The following ACE variants were observed in gnomAD, a reference collection of about 807,000 sequenced individuals.
The protein encoded by ACE is angiotensin-converting enzyme.
A neutral mutation model predicts 162.3 loss-of-function variants in ACE; 122 were observed. The observed-to-expected ratio is 0.75, with a 90% CI of 0.65 to 0.87. ACE has a LOEUF of 0.87. Ranked by LOEUF, ACE falls within the 40% of genes least tolerant of loss-of-function variation. ACE has a pLI of 0.00. For missense variants in ACE, 1,799 were observed against 1,735.1 expected (o/e 1.04, Z -0.65); for synonymous variants, 796 against 720.6 (o/e 1.10, Z -1.68).
In ACE at chr17:63,484,426, C is replaced by T. The variant is rs1408772607; in HGVS notation, c.1806C>T (p.Tyr602=). 1.2e-6 allele frequency: 2 copies of T among 1,612,408 alleles called. No homozygotes were observed. Among genetic ancestry groups the T allele is most frequent in the Non-Finnish European group, 1.7e-6 (2 of 1,179,940 alleles). Residue 602 remains tyrosine (Y), a synonymous_variant, in exon 12 of 25, where the codon TAC becomes TAT. Coordinates refer to ENST00000290866, the MANE Select transcript of ACE (RefSeq NM_000789.4). The surrounding 1 kb of genome is among the most constrained non-coding windows in gnomAD (Gnocchi z 4.0). ...TGGATGCCCAGCCGCTGCTCAAGTA[C>T]TTCCAGCCAGTCACCCAGTGGCTGC... ...DALDAQPLLK[Y]FQPVTQWLQE...
rs200503880 is a variant in ACE at position 63,487,032 on chromosome 17, C to G, written c.2264C>G (p.Thr755Ser). Reference protein sequence around the residue: ...LDMETTYSVATVCHPNGSCLQ... With the variant: ...LDMETTYSVASVCHPNGSCLQ... ...ATGGAAACCACCTACAGCGTGGCCA[C>G]TGTGTGCCACCCGAATGGCAGCTGC... The change falls in exon 15 of 25, where the codon ACT becomes AGT. Residue 755 changes from threonine (T) to serine (S), a missense_variant. By Grantham distance (58) the Thr-to-Ser change is moderately conservative (BLOSUM62 1). Coordinates refer to ENST00000290866, the MANE Select transcript of ACE (RefSeq NM_000789.4). The G allele has an allele frequency of 1.2e-6, 2 of 1,613,790 alleles. No homozygotes were observed. The highest frequency in any genetic ancestry group is 2.7e-5 in the African/African-American group (2 of 74,928).
In ACE at chr17:63,479,930, T is replaced by C. The variant is rs1411669184; in HGVS notation, c.655+18T>C. ...GCAGGACGGTGAGCAGGCCTCTCCCTGTCCAGGAACCACGCCAGGTGTCCT... is the reference window on the plus strand; with the variant it reads ...GCAGGACGGTGAGCAGGCCTCTCCCCGTCCAGGAACCACGCCAGGTGTCCT... On this transcript the variant is annotated intron_variant, in intron 4 of 24. Transcript: ENST00000290866. The C allele has an allele frequency of 3.1e-6, 5 of 1,601,694 alleles. No homozygotes were observed. The African/African-American group carries it at 5.4e-5, about 17-fold the overall frequency.
In ACE at chr17:63,497,172, G is replaced by A. The variant is rs372416620; in HGVS notation, c.3727G>A (p.Val1243Ile). The change falls in exon 25 of 25, where the codon GTC (valine) becomes ATC (isoleucine). Residue 1243 changes from valine (V) to isoleucine (I), a missense_variant. Coordinates refer to ENST00000290866, the MANE Select transcript of ACE (RefSeq NM_000789.4). Reference protein sequence around the residue: ...SEGPLPDSGRVSFLGLDLDAQ... With the variant: ...SEGPLPDSGRISFLGLDLDAQ... Reference sequence around the variant, plus strand: ...AGGGCCCCTCCCAGACAGCGGCCGCGTCAGCTTCCTGGGCCTGGACCTGGA... The same window carrying A: ...AGGGCCCCTCCCAGACAGCGGCCGCATCAGCTTCCTGGGCCTGGACCTGGA... 53 of 1,604,088 alleles carry A rather than the reference G, an allele frequency of 3.3e-5. No homozygotes were observed. The Middle Eastern group carries it at 5.4e-4, about 16-fold the overall frequency.
Position 63,489,036 on chromosome 17 carries a change from T to C in ACE, c.2545T>C (p.Tyr849His). ...GCTCTTCCAGGAGCTGCAGCCACTC[T>C]ACCTCAACCTGCATGCCTACGTGCG... ...ERLFQELQPLYLNLHAYVRRA... is the reference protein window; with the variant it reads ...ERLFQELQPLHLNLHAYVRRA... The change falls in exon 17 of 25, where the codon TAC becomes CAC. Residue 849 changes from tyrosine to histidine, a missense_variant. Coordinates refer to ENST00000290866, the MANE Select transcript of ACE (RefSeq NM_000789.4). 1 of 1,614,186 alleles carries C rather than the reference T, an allele frequency of 6.2e-7. No homozygotes were observed. Among genetic ancestry groups the C allele is most frequent in the Non-Finnish European group, 8.5e-7 (1 of 1,180,040 alleles).
intron 14 of ACE, 62 bp from the exon 15 acceptor site, chr17:63,486,924 G>A: frequency 6.6e-7 from 1 of 1,509,978 alleles, no homozygotes; most frequent in Non-Finnish European, 9.2e-7. Context: ...TGGGGGTAGT[G>A]CAGGCCCCAG....
In ACE at chr17:63,491,086, G is replaced by A. The variant is rs368900581; in HGVS notation, c.2739+35G>A. Reference sequence around the variant, plus strand: ...AGCCCAGGGGCAGGGAGGCCCCGCCGGGATGGGAGGGACCCTCTGATTCAG... The same window carrying A: ...AGCCCAGGGGCAGGGAGGCCCCGCCAGGATGGGAGGGACCCTCTGATTCAG... On this transcript the variant is annotated intron_variant, in intron 18 of 24. Coordinates refer to ENST00000290866, the MANE Select transcript of ACE (RefSeq NM_000789.4). This position sits in a 1 kb window ranked among gnomAD's most constrained non-coding sequence, Gnocchi z 4.4. 3.5e-5 allele frequency: 56 copies of A among 1,612,312 alleles called. No homozygotes were observed. The highest frequency in any genetic ancestry group is 3.3e-4 in the Middle Eastern group (2 of 6,060).
chr17:63,497,291 C>T lies in ACE; in HGVS notation c.3846C>T (p.Ser1282=). ...ATLGLSQRLF[S]IRHRSLHRHS... ...TGGGCCTCAGCCAGCGGCTCTTCAGCATCCGCCACCGCAGCCTCCACCGGC... is the reference window on the plus strand; with the variant it reads ...TGGGCCTCAGCCAGCGGCTCTTCAGTATCCGCCACCGCAGCCTCCACCGGC... The change falls in exon 25 of 25, where the codon AGC becomes AGT. Residue 1282 remains serine (S), a synonymous_variant. Transcript: ENST00000290866. 1 of 1,552,688 alleles carries T rather than the reference C, an allele frequency of 6.4e-7. No individual in the cohort carries two copies. Among genetic ancestry groups the T allele is most frequent in the Non-Finnish European group, 8.7e-7 (1 of 1,149,902 alleles).
At position 63,483,552 on chromosome 17, in the gene ACE, A is replaced by G. The variant is rs376323371; in HGVS notation, c.1580A>G (p.Tyr527Cys). ...AKFHVPNVTP[Y>C]IRYFVSFVLQ... ...TTTCATGTTCCAAATGTGACACCATACATCAGGTATTAGCGCCCCCACCCC... is the reference window on the plus strand; with the variant it reads ...TTTCATGTTCCAAATGTGACACCATGCATCAGGTATTAGCGCCCCCACCCC... The change falls in exon 10 of 25, where the codon TAC becomes TGC. Residue 527 changes from tyrosine (Y) to cysteine (C), a missense_variant. By Grantham distance (194) the Tyr-to-Cys change is radical. Coordinates refer to ENST00000290866, the MANE Select transcript of ACE (RefSeq NM_000789.4). The G allele has an allele frequency of 1.7e-5, 28 of 1,613,680 alleles. No homozygotes were observed. The African/African-American group carries it at 3.2e-4, about 18-fold the overall frequency.
chr17:63,496,431 G>A lies in ACE; in HGVS notation c.3418G>A (p.Glu1140Lys), dbSNP rs1228691156. The part of the protein sequence containing the change: ...VSFIIQFQFH[E>K]ALCQAAGHTG... ...CTTCATCATCCAGTTCCAGTTCCAC[G>A]AGGCACTGTGCCAGGCAGCTGGCCA... Residue 1140 changes from glutamate to lysine, a missense_variant, in exon 23 of 25, where the codon GAG becomes AAG. Glu to Lys is a moderately conservative substitution (Grantham distance 56). Transcript: ENST00000290866. The A allele has an allele frequency of 3.7e-6, 6 of 1,614,200 alleles. No homozygotes were observed. The highest frequency in any genetic ancestry group is 5.1e-6 in the Non-Finnish European group (6 of 1,180,032).
rs769397961 is a variant in ACE, at chr17:63,488,758, G to A, written c.2416G>A (p.Val806Met). The change falls in exon 16 of 25, where the codon GTG becomes ATG. Residue 806 changes from valine to methionine, a missense_variant. Transcript: ENST00000290866. ...CATCCTCCAGTTTTACCCGAAATACGTGGAACTCATCAACCAGGCTGCCCG... is the reference window on the plus strand; with the variant it reads ...CATCCTCCAGTTTTACCCGAAATACATGGAACTCATCAACCAGGCTGCCCG... ...RAILQFYPKY[V>M]ELINQAARLN... The A allele has an allele frequency of 1.4e-5, 22 of 1,613,782 alleles. No individual in the cohort carries two copies. The highest frequency in any genetic ancestry group is 6.7e-5 in the East Asian group (3 of 44,804).
intron 15 of ACE, among the ~76,000 whole-genome samples, chr17:63,488,358 C>CAG (rs1491344512): frequency 1.5e-5 from 1 of 66,888 alleles, no homozygotes; most frequent in Non-Finnish European, 2.6e-5. Context: ...GACCCTGTCT[C>CAG]AGAAAAAAAA....
In ACE at chr17:63,483,134, C is replaced by A; in HGVS notation, c.1448C>A (p.Thr483Asn). The change falls in exon 9 of 25, where the codon ACC becomes AAC. Residue 483 changes from threonine (T) to asparagine (N), a missense_variant. By Grantham distance (65) the Thr-to-Asn change is moderately conservative. Transcript: ENST00000290866. ...QWRWGVFSGR[T>N]PPSRYNFDWW... Reference sequence around the variant, plus strand: ...CGCTGGGGGGTCTTTAGTGGGCGTACCCCCCCTTCCCGCTACAACTTCGAC... The same window carrying A: ...CGCTGGGGGGTCTTTAGTGGGCGTAACCCCCCTTCCCGCTACAACTTCGAC... 6.2e-7 allele frequency: 1 copy of A among 1,613,948 alleles called. No homozygotes were observed. The highest frequency in any genetic ancestry group is 8.5e-7 in the Non-Finnish European group (1 of 1,179,942).
chr17:63,496,516 C>T lies in ACE; in HGVS notation c.3503C>T (p.Ala1168Val), dbSNP rs993733529. Residue 1168 changes from alanine to valine, a missense_variant and splice_region_variant, in exon 23 of 25, where the codon GCG becomes GTG. Ala to Val is a moderately conservative substitution (Grantham distance 64). Coordinates refer to ENST00000290866, the MANE Select transcript of ACE (RefSeq NM_000789.4). ...YQSKEAGQRL[A>V]TAMKLGFSRP... ...TCCAAGGAGGCCGGGCAGCGCCTGGCGTGAGTGTCCTCCAGCCCTCCTTTG... is the reference window on the plus strand; with the variant it reads ...TCCAAGGAGGCCGGGCAGCGCCTGGTGTGAGTGTCCTCCAGCCCTCCTTTG... The T allele has an allele frequency of 4.3e-6, 7 of 1,613,936 alleles. No homozygotes were observed. Among genetic ancestry groups the T allele is most frequent in the East Asian group, 2.2e-5 (1 of 44,894 alleles).
In ACE at chr17:63,484,697, G is replaced by C; in HGVS notation, c.1921+156G>C. 2 of 1,447,740 alleles carry C rather than the reference G, an allele frequency of 1.4e-6. No individual in the cohort carries two copies. The highest frequency in any genetic ancestry group is 2.5e-5 in the East Asian group (1 of 40,234). 89.7% of individuals were successfully genotyped at this position (1,447,740 alleles called of 1,614,324 possible). On this transcript the variant is annotated intron_variant, in intron 12 of 24. Coordinates refer to ENST00000290866, the MANE Select transcript of ACE (RefSeq NM_000789.4). This position sits in a 1 kb window ranked among gnomAD's most constrained non-coding sequence, Gnocchi z 4.0. ...CCCCAAGCTCATCAGCAGGGCCTGCGAGTGGGGACAGGCATGTCTTTCCCC... is the reference window on the plus strand; with the variant it reads ...CCCCAAGCTCATCAGCAGGGCCTGCCAGTGGGGACAGGCATGTCTTTCCCC...
chr17:63,485,031 A>G (rs934773366), intron 12 of ACE: 3 of 1,609,752 alleles, frequency 1.9e-6, no homozygotes, highest in African/African-American at 2.7e-5. Flanking sequence ...ACCACCCACC[A>G]GGCGACGGCC....
In ACE at chr17:63,494,059, A is replaced by G. The variant is rs2030570388; in HGVS notation, c.3274A>G (p.Ser1092Gly). Residue 1092 changes from serine (S) to glycine (G), a missense_variant, in exon 21 of 25, where the codon AGC becomes GGC. Transcript: ENST00000290866. ...GGAGAACTATAACCAGGAGTGGTGGAGCCTCAGGTTCTGGAACACTCCCAC... is the reference window on the plus strand; with the variant it reads ...GGAGAACTATAACCAGGAGTGGTGGGGCCTCAGGTTCTGGAACACTCCCAC... ...TKENYNQEWW[S>G]LRLKYQGLCP... 1 of 1,613,798 alleles carries G rather than the reference A, an allele frequency of 6.2e-7. No individual in the cohort carries two copies. The highest frequency in any genetic ancestry group is 1.3e-5 in the African/African-American group (1 of 74,818).
rs199555061 is a variant in ACE at position 63,491,272 on chromosome 17, C to T, written c.2803C>T (p.Pro935Ser). ...TTTCTTCACCTCCCTGGGGCTGCTG[C>T]CCGTGCCTCCTGAGTTCTGGAACAA... ...DDFFTSLGLL[P>S]VPPEFWNKSM... is the part of the protein sequence containing the mutation. Residue 935 changes from proline (P) to serine (S), a missense_variant, in exon 19 of 25, where the codon CCC becomes TCC. Pro to Ser is a moderately conservative substitution (Grantham distance 74). Transcript: ENST00000290866. This position sits in a 1 kb window ranked among gnomAD's most constrained non-coding sequence, Gnocchi z 4.4. 31 of 1,614,152 alleles carry T rather than the reference C, an allele frequency of 1.9e-5. No homozygotes were observed. In the East Asian group the frequency reaches 6.2e-4, roughly 33 times the overall value.
chr17:63,496,645 G>T, intron 23 of ACE, 129 bp downstream of exon 23: 1 of 1,587,296 alleles, frequency 6.3e-7, no homozygotes, highest in African/African-American at 1.3e-5. Flanking sequence ...CCTGCAGCGT[G>T]GGCCAGGCCT....
intron 13 of ACE, 22 bp downstream of exon 13, chr17:63,485,394 C>G: frequency 6.2e-7 from 1 of 1,613,672 alleles, no homozygotes. Context: ...CTCCCCACCC[C>G]CAAACCTGAG....
Sources: allele counts gnomAD v4.1 joint callset (sites outside exome capture counted in the v4.1 genomes callset), GRCh38; gene constraint gnomAD v4.1.1; non-coding constraint Gnocchi (gnomAD v3.1); transcripts MANE v1.5; gene names NCBI Gene and HGNC (gene_info 2026-07-23, HGNC 2026-07-21).